TRPC5: variants seen among roughly 807,000 people sequenced by gnomAD.
TRPC5 encodes the protein short transient receptor potential channel 5.
Under a neutral mutation model 56.5 loss-of-function variants are expected in TRPC5, and 9 were observed. The ratio of observed to expected loss-of-function variants is 0.16; its 90% CI spans 0.10 to 0.28. The LOEUF is 0.28. Among genes scored for constraint, TRPC5 ranks in the 10% least tolerant of loss-of-function variants. The pLI is 1.00. For missense variants in TRPC5, 469 were observed against 748.9 expected, an observed-to-expected ratio of 0.63 and a Z score of 4.36; for synonymous variants, 282 against 278.5, an observed-to-expected ratio of 1.01 and a Z score of -0.13.
intron 1 of TRPC5, among the ~76,000 whole-genome samples, chrX:111,981,500 C>T (rs1449544617): frequency 9.0e-6 from 1 of 111,671 alleles, no homozygotes; most frequent in Non-Finnish European, 1.9e-5. Context: ...ATCTTGGCGC[C>T]CTATGGCCCA....
At chrX:112,064,880 C>A (rs1295454079) in intron 1 of TRPC5, among the ~76,000 whole-genome samples, 2 of 110,532 alleles carry the variant, frequency 1.8e-5, no homozygotes, top group African/African-American at 6.6e-5. Context: ...CGAGACCATC[C>A]TGGCTAACAC....
chrX:112,069,213 T>C (rs1930659048), intron 1 of TRPC5, among the ~76,000 whole-genome samples: 1 of 111,952 alleles, frequency 8.9e-6, no homozygotes, highest in Admixed American at 9.4e-5. Flanking sequence ...CAGAGTGGCT[T>C]AGTGTTTTGC....
At chrX:111,958,122 CAT>C (rs1927282458) in intron 1 of TRPC5, among the ~76,000 whole-genome samples, 1 of 111,702 alleles carries the variant, frequency 9.0e-6, no homozygotes, top group African/African-American at 3.3e-5. Context: ...ACCTGTCAAA[CAT>C]GTGATCACAT....
At chrX:111,975,890 C>A (rs759429328) in intron 1 of TRPC5, among the ~76,000 whole-genome samples, 7 of 111,840 alleles carry the variant, frequency 6.3e-5, no homozygotes, top group Non-Finnish European at 9.4e-5. Flanking sequence ...GGCGACAGAG[C>A]AAGACTCCGT....
intron 1 of TRPC5, among the ~76,000 whole-genome samples, chrX:112,081,361 T>C (rs1930961812): frequency 1.8e-5 from 2 of 111,631 alleles, no homozygotes; most frequent in Non-Finnish European, 3.8e-5. Context: ...AATCTGGCCA[T>C]TTCTTAAGTT....
intron 3 of TRPC5, among the ~76,000 whole-genome samples, chrX:111,856,469 G>A (rs1923231911): frequency 9.3e-6 from 1 of 107,408 alleles, no homozygotes; most frequent in East Asian, 2.9e-4. Flanking sequence ...AACCCAGGAG[G>A]CAGAGGCTGC....
Position 111,905,934 on chromosome X carries a change from A to AAAAAAAAAAAAAAAAAAAAC in TRPC5, c.900+6356_900+6357insGTTTTTTTTTTTTTTTTTTT, listed in dbSNP as rs1925602008. ...TGTCTCAAAAAAAAAAAAAAAAAGA[A>AAAAAAAAAAAAAAAAAAAAC]AGAAAGAAAAATACTGAAGGCATCT... On this transcript the variant is annotated intron_variant, in intron 3 of 10. Transcript: ENST00000262839. Among the ~76,000 whole-genome samples the AAAAAAAAAAAAAAAAAAAAC allele has an allele frequency of 1.8e-5, 2 of 108,506 alleles. 1 individual carries two copies. Among genetic ancestry groups the AAAAAAAAAAAAAAAAAAAAC allele is most frequent in the African/African-American group, 6.8e-5 (2 of 29,222 alleles). 94.2% of individuals were successfully genotyped at this position (108,506 alleles called of 115,157 possible).
At chrX:111,851,377 G>A (rs1923077719) in intron 5 of TRPC5, among the ~76,000 whole-genome samples, 1 of 111,452 alleles carries the variant, frequency 9.0e-6, no homozygotes, top group Non-Finnish European at 1.9e-5. Context: ...GCTACAAGGA[G>A]GACAGCAATC....
intron 2 of TRPC5, among the ~76,000 whole-genome samples, chrX:111,946,621 G>A (rs1926939927): frequency 8.9e-6 from 1 of 112,103 alleles, no homozygotes. Context: ...AAAGTCCAGA[G>A]GGTCTTGTTC....
At chrX:111,852,208 C>T in intron 5 of TRPC5, 90 bp downstream of exon 5, 3 of 894,594 alleles carry the variant, frequency 3.4e-6, no homozygotes, top group Non-Finnish European at 4.7e-6. Flanking sequence ...ATCATCATCA[C>T]TTTTTCTCAA....
At chrX:112,028,416 C>T (rs995732619) in intron 1 of TRPC5, among the ~76,000 whole-genome samples, 1 of 111,211 alleles carries the variant, frequency 9.0e-6, no homozygotes, top group African/African-American at 3.3e-5. Flanking sequence ...CTAATGCAAT[C>T]GCTCCCCCAG....
At chrX:111,849,581 G>A (rs1176168712) in intron 5 of TRPC5, among the ~76,000 whole-genome samples, 1 of 112,136 alleles carries the variant, frequency 8.9e-6, no homozygotes, top group East Asian at 2.8e-4. Flanking sequence ...GTTCCTTAGA[G>A]CCTGGGGGTT....
At chrX:111,999,119 G>A (rs1312189309) in intron 1 of TRPC5, among the ~76,000 whole-genome samples, 1 of 110,524 alleles carries the variant, frequency 9.0e-6, no homozygotes, top group Non-Finnish European at 1.9e-5. Flanking sequence ...ACAGTTCCCA[G>A]TGTGTGATGT....
At chrX:111,950,095 T>G (rs773959799) in intron 2 of TRPC5, among the ~76,000 whole-genome samples, 4 of 111,047 alleles carry the variant, frequency 3.6e-5, no homozygotes, top group African/African-American at 1.3e-4. Flanking sequence ...GAGGCCAAGG[T>G]GGGCAGATCA....
rs893800742 is a variant in TRPC5, at chrX:111,770,772, A to G, written c.*5541T>C. Among the ~76,000 whole-genome samples the G allele has an allele frequency of 5.4e-5, 6 of 111,813 alleles. No individual in the cohort carries two copies. Among genetic ancestry groups the G allele is most frequent in the African/African-American group, 2.0e-4 (6 of 30,727 alleles). On this transcript the variant is annotated 3_prime_UTR_variant, in exon 11 of 11. Coordinates refer to ENST00000262839, the MANE Select transcript of TRPC5 (RefSeq NM_012471.3). ...AAGAGGGTTCCTAGGTTGGAAGGCA[A>G]TTGGTGGCAATGAGTATTTTGGGGA...
chrX:111,927,710 C>T (rs956036583), intron 2 of TRPC5, among the ~76,000 whole-genome samples: 16 of 111,130 alleles, frequency 1.4e-4, no homozygotes, highest in African/African-American at 5.2e-4. Context: ...CTCATGGCAA[C>T]ACCACAGGCC....
At chrX:111,987,987 C>T (rs955996585) in intron 1 of TRPC5, among the ~76,000 whole-genome samples, 2 of 112,654 alleles carry the variant, frequency 1.8e-5, no homozygotes, top group Non-Finnish European at 3.8e-5. Flanking sequence ...AATATCTGGG[C>T]ATCCCACGGC....
intron 1 of TRPC5, among the ~76,000 whole-genome samples, chrX:111,955,162 C>G (rs975049756): frequency 8.9e-6 from 1 of 112,095 alleles, no homozygotes; most frequent in African/African-American, 3.2e-5. Flanking sequence ...ATTTTCATCT[C>G]TTGCATTTGG....
At position 111,834,900 on chromosome X, in the gene TRPC5, T is replaced by G. The variant is rs181069565; in HGVS notation, c.1896+21A>C. On this transcript the variant is annotated intron_variant, in intron 7 of 10. Coordinates refer to ENST00000262839, the MANE Select transcript of TRPC5 (RefSeq NM_012471.3). Reference sequence around the variant, plus strand: ...CAACCTGAAACCAAAGTAAGCACGCTTGTAAAGCAAAGCTACTCACGGCAA... The same window carrying G: ...CAACCTGAAACCAAAGTAAGCACGCGTGTAAAGCAAAGCTACTCACGGCAA... The G allele has an allele frequency of 4.3e-6, 5 of 1,173,057 alleles. No homozygotes were observed. In the African/African-American group the frequency reaches 8.9e-5, roughly 21 times the overall value.
Sources: allele counts gnomAD v4.1 joint callset (sites outside exome capture counted in the v4.1 genomes callset), GRCh38; gene constraint gnomAD v4.1.1; transcripts MANE v1.5; gene names NCBI Gene and HGNC (gene_info 2026-07-23, HGNC 2026-07-21).